The following NKAIN2 variants were observed in gnomAD, a reference collection of about 807,000 sequenced individuals.
NKAIN2 encodes the protein sodium/potassium transporting ATPase interacting 2.
In NKAIN2, 14 loss-of-function variants were observed where a neutral mutation model predicts 32.6. That is an observed-to-expected ratio of 0.43 (90% confidence interval 0.28 to 0.67). NKAIN2 has a LOEUF of 0.67. NKAIN2 is among the 30% of genes least tolerant of loss of function. The pLI, the probability that NKAIN2 is intolerant of heterozygous loss-of-function variation, is 0.17. For missense variants in NKAIN2, 198 were observed against 258.3 expected (o/e 0.77, Z 1.60); for synonymous variants, 80 against 87.2 (o/e 0.92, Z 0.46).
intron 3 of NKAIN2, among the ~76,000 whole-genome samples, chr6:124,515,483 G>T (rs1002478004): frequency 2.0e-5 from 3 of 151,906 alleles, no homozygotes; most frequent in Non-Finnish European, 4.4e-5. Context: ...GGTGAGAGGT[G>T]CTAGCGTCTT....
intron 1 of NKAIN2, among the ~76,000 whole-genome samples, chr6:124,006,302 G>A (rs1385406391): frequency 3.3e-5 from 5 of 152,150 alleles, no homozygotes; most frequent in Admixed American, 6.5e-5. Context: ...TGAGATTGAG[G>A]TCCCAGCATT....
At chr6:123,947,919 C>T (rs1777144849) in intron 1 of NKAIN2, among the ~76,000 whole-genome samples, 1 of 149,764 alleles carries the variant, frequency 6.7e-6, no homozygotes, top group Non-Finnish European at 1.5e-5. Flanking sequence ...AAGCTCTCAC[C>T]ATCTACACAC....
intron 1 of NKAIN2, among the ~76,000 whole-genome samples, chr6:124,089,668 C>A (rs543752370): frequency 6.6e-6 from 1 of 152,056 alleles, no homozygotes; most frequent in African/African-American, 2.4e-5. Flanking sequence ...GTGCCTACCT[C>A]TCTCCCTTAG....
chr6:124,754,247 A>G (rs1777858492), intron 4 of NKAIN2, among the ~76,000 whole-genome samples: 1 of 152,106 alleles, frequency 6.6e-6, no homozygotes, highest in African/African-American at 2.4e-5. Flanking sequence ...TGTAAAACTC[A>G]GTATAGTAAA....
At chr6:124,599,593 AAGATGGTGGATACTTCTTGGGTGAAGGCT>A (rs1782231653) in intron 3 of NKAIN2, among the ~76,000 whole-genome samples, 1 of 152,148 alleles carries the variant, frequency 6.6e-6, no homozygotes, top group South Asian at 2.1e-4. Context: ...AGCATCTCTT[AAGATGGTGGATACTTCTTGGGTGAAGGCT>A]AGAAATAAGA....
intron 1 of NKAIN2, among the ~76,000 whole-genome samples, chr6:124,190,926 C>T (rs989352668): frequency 5.9e-5 from 9 of 152,090 alleles, no homozygotes; most frequent in African/African-American, 2.2e-4. Context: ...TTCCCATATA[C>T]TCTTTTTCCC....
intron 2 of NKAIN2, among the ~76,000 whole-genome samples, chr6:124,332,157 C>T (rs1797685784): frequency 6.6e-6 from 1 of 151,652 alleles, no homozygotes; most frequent in South Asian, 2.1e-4. Context: ...TACCTGTCAA[C>T]GAAGTATGTT....
In NKAIN2 at chr6:123,852,683, C is replaced by T. The variant is rs559540720; in HGVS notation, c.54+48429C>T. ...ATTCAGCCTTTAAAAAGAAGGAAATCCTATCATTTGCAACAACATAGATGA... is the reference window on the plus strand; with the variant it reads ...ATTCAGCCTTTAAAAAGAAGGAAATTCTATCATTTGCAACAACATAGATGA... On this transcript the variant is annotated intron_variant, in intron 1 of 6. Transcript: ENST00000368417. 1.2e-3 allele frequency among the ~76,000 whole-genome samples: 180 copies of T among 152,220 alleles called. 1 individual carries two copies. Among genetic ancestry groups the T allele is most frequent in the Middle Eastern group, 3.4e-3 (1 of 294 alleles).
intron 1 of NKAIN2, among the ~76,000 whole-genome samples, chr6:124,155,982 A>T (rs1582754233): frequency 6.7e-6 from 1 of 149,194 alleles, no homozygotes; most frequent in Non-Finnish European, 1.5e-5. Flanking sequence ...AAAAAAAGGG[A>T]TACTAGGCCC....
chr6:124,357,760 T>G (rs1315015126), intron 3 of NKAIN2, among the ~76,000 whole-genome samples: 1 of 152,178 alleles, frequency 6.6e-6, no homozygotes, highest in Non-Finnish European at 1.5e-5. Context: ...GTTACCTGAT[T>G]AGAGTTTAGA....
chr6:124,580,616 C>A lies in NKAIN2; in HGVS notation c.274-77570C>A, dbSNP rs530887095. 4.5e-4 allele frequency among the ~76,000 whole-genome samples: 69 copies of A among 152,040 alleles called. 1 individual carries two copies. The highest frequency in any genetic ancestry group is 3.4e-3 in the Admixed American group (52 of 15,254). ...AAGGAAGATAAGACCACAAACCAAC[C>A]AGAAAACAAATAACAAAATGGCAGG... On this transcript the variant is annotated intron_variant, in intron 3 of 6. Coordinates refer to ENST00000368417, the MANE Select transcript of NKAIN2 (RefSeq NM_001040214.3).
intron 1 of NKAIN2, among the ~76,000 whole-genome samples, chr6:123,870,175 T>G (rs1772796237): frequency 6.6e-6 from 1 of 152,130 alleles, no homozygotes; most frequent in Non-Finnish European, 1.5e-5. Context: ...TGAGTTTACA[T>G]TTAGGTGATA....
chr6:124,260,552 G>A (rs1794198534), intron 1 of NKAIN2, among the ~76,000 whole-genome samples: 1 of 152,158 alleles, frequency 6.6e-6, no homozygotes, highest in Admixed American at 6.6e-5. Context: ...GAATCAGCAA[G>A]GAGACCTAGT....
chr6:123,882,940 G>T (rs963816321), intron 1 of NKAIN2, among the ~76,000 whole-genome samples: 1 of 152,076 alleles, frequency 6.6e-6, no homozygotes, highest in East Asian at 1.9e-4. Context: ...CTGGTGAAAC[G>T]GTGAGCCTTC....
At chr6:124,251,516 C>G (rs972733532) in intron 1 of NKAIN2, among the ~76,000 whole-genome samples, 2 of 151,760 alleles carry the variant, frequency 1.3e-5, no homozygotes, top group Non-Finnish European at 2.9e-5. Context: ...TACTAGCACT[C>G]AGTAGAAGAA....
At chr6:124,518,226 T>C (rs1013470304) in intron 3 of NKAIN2, among the ~76,000 whole-genome samples, 1 of 151,038 alleles carries the variant, frequency 6.6e-6, no homozygotes. Flanking sequence ...ATTTATATAA[T>C]TGGCAATATA....
intron 1 of NKAIN2, among the ~76,000 whole-genome samples, chr6:124,043,424 C>T (rs1346677460): frequency 6.6e-6 from 1 of 151,868 alleles, no homozygotes; most frequent in East Asian, 1.9e-4. Context: ...TCAGATTGTC[C>T]ACCATCTAAG....
chr6:124,661,509 G>A (rs1213041019), intron 4 of NKAIN2, among the ~76,000 whole-genome samples: 1 of 152,100 alleles, frequency 6.6e-6, no homozygotes, highest in African/African-American at 2.4e-5. Flanking sequence ...TCTGAAATTA[G>A]CATTCACAAA....
intron 1 of NKAIN2, among the ~76,000 whole-genome samples, chr6:124,248,662 G>A (rs75609377): frequency 0.077 from 11,641 of 152,078 alleles, 482 homozygotes; most frequent in Middle Eastern, 0.1. Flanking sequence ...TTATATGTGT[G>A]ACTATAACTT....
Sources: gnomAD v4.1 joint callset for allele counts (sites outside exome capture counted in the v4.1 genomes callset) on GRCh38, gnomAD v4.1.1 for gene constraint, MANE v1.5 for transcripts, NCBI Gene and HGNC (gene_info 2026-07-23, HGNC 2026-07-21) for gene names.